PDZRN4: variants seen among roughly 807,000 people sequenced by gnomAD.
PDZRN4 encodes PDZ domain-containing RING finger protein 4.
A neutral mutation model predicts 99.0 loss-of-function variants in PDZRN4; 70 were observed. That is an observed-to-expected ratio of 0.71 (90% CI 0.58 to 0.86). PDZRN4 has a LOEUF of 0.86. PDZRN4 is among the 40% of genes least tolerant of loss of function. PDZRN4 has a pLI of 0.00. For missense variants in PDZRN4, 1,474 were observed against 1,331.2 expected, an observed-to-expected ratio of 1.11 and a Z score of -1.67; for synonymous variants, 551 against 501.6, an observed-to-expected ratio of 1.10 and a Z score of -1.32.
intron 5 of PDZRN4, among the ~76,000 whole-genome samples, chr12:41,531,694 A>G (rs1349390290): frequency 6.6e-6 from 1 of 152,144 alleles, no homozygotes; most frequent in Non-Finnish European, 1.5e-5. Context: ...TAAAGGGACC[A>G]TGCTGTTTTC....
intron 5 of PDZRN4, among the ~76,000 whole-genome samples, chr12:41,533,700 T>G (rs1268767666): frequency 6.6e-6 from 1 of 152,236 alleles, no homozygotes; most frequent in African/African-American, 2.4e-5. Context: ...ATTTTTTGTA[T>G]AGCTGGATTA....
At chr12:41,430,417 C>T (rs1283648624) in intron 3 of PDZRN4, among the ~76,000 whole-genome samples, 3 of 150,768 alleles carry the variant, frequency 2.0e-5, no homozygotes, top group African/African-American at 7.3e-5. Context: ...TGCAGTGAGC[C>T]GAGATTGTGC....
chr12:41,447,004 A>G (rs2730817), intron 3 of PDZRN4, among the ~76,000 whole-genome samples: 77,308 of 151,804 alleles, frequency 0.51, 20,171 homozygotes, highest in African/African-American at 0.64. Context: ...GGACTAAAGC[A>G]GGATATGGGA....
At chr12:41,506,359 G>A in intron 3 of PDZRN4, 97 bp from the exon 4 acceptor site, 4 of 1,105,250 alleles carry the variant, frequency 3.6e-6, no homozygotes, top group Non-Finnish European at 5.1e-6. Context: ...TTCATATCAG[G>A]GCTGGTTGAA....
intron 3 of PDZRN4, among the ~76,000 whole-genome samples, chr12:41,330,000 T>C (rs980553919): frequency 1.4e-4 from 21 of 152,132 alleles, no homozygotes; most frequent in African/African-American, 4.8e-4. Context: ...CTGAGAATTA[T>C]AGCATACAGA....
chr12:41,359,438 C>A (rs989075021), intron 3 of PDZRN4, among the ~76,000 whole-genome samples: 1 of 151,944 alleles, frequency 6.6e-6, no homozygotes, highest in African/African-American at 2.4e-5. Context: ...CTTTATTTGG[C>A]AAGCTAGGAC....
chr12:41,494,172 T>G (rs1049723109), intron 3 of PDZRN4, among the ~76,000 whole-genome samples: 3 of 152,118 alleles, frequency 2.0e-5, no homozygotes, highest in African/African-American at 7.2e-5. Flanking sequence ...TATGAACTAC[T>G]TACTGTATTT....
At chr12:41,416,887 T>TC (rs937015595) in intron 3 of PDZRN4, among the ~76,000 whole-genome samples, 33 of 152,334 alleles carry the variant, frequency 2.2e-4, no homozygotes, top group Admixed American at 6.5e-4. Context: ...GTGTAAACTT[T>TC]CCCCAGAACA....
intron 3 of PDZRN4, among the ~76,000 whole-genome samples, chr12:41,358,399 T>G (rs1951942736): frequency 1.3e-5 from 2 of 152,046 alleles, no homozygotes; most frequent in Non-Finnish European, 2.9e-5. Context: ...ATTTTATTAA[T>G]AGCATCATTA....
chr12:41,284,457 A>G (rs1951409325), intron 3 of PDZRN4, among the ~76,000 whole-genome samples: 1 of 152,166 alleles, frequency 6.6e-6, no homozygotes, highest in South Asian at 2.1e-4. Flanking sequence ...ATGCAATGCT[A>G]TTTCCAACAA....
chr12:41,211,736 C>A (rs1182457196), intron 3 of PDZRN4, among the ~76,000 whole-genome samples: 1 of 151,900 alleles, frequency 6.6e-6, no homozygotes, highest in African/African-American at 2.4e-5. Context: ...ATTTGATGAG[C>A]TGTATGAAAA....
At position 41,388,168 on chromosome 12, in the gene PDZRN4, G is replaced by A. The variant is rs139203011; in HGVS notation, c.844-118288G>A. The stretch of plus-strand genomic sequence containing the variant: ...CATTACCATTAGCAAACTAACACAA[G>A]AACAGAAAACCAAATACCACATGTA... On this transcript the variant is annotated intron_variant, in intron 3 of 9. Coordinates refer to ENST00000402685, the MANE Select transcript of PDZRN4 (RefSeq NM_001164595.2). Among the ~76,000 whole-genome samples, 61 of 152,190 alleles carry A rather than the reference G, an allele frequency of 4.0e-4. No individual in the cohort carries two copies. The East Asian group carries it at 0.011, about 28-fold the overall frequency.
chr12:41,539,485 T>G (rs1938810759), intron 5 of PDZRN4, among the ~76,000 whole-genome samples: 1 of 152,066 alleles, frequency 6.6e-6, no homozygotes, highest in African/African-American at 2.4e-5. Context: ...ATTATTACAT[T>G]CATAGGATCT....
At chr12:41,297,759 C>G (rs1951505607) in intron 3 of PDZRN4, among the ~76,000 whole-genome samples, 1 of 152,104 alleles carries the variant, frequency 6.6e-6, no homozygotes, top group Non-Finnish European at 1.5e-5. Flanking sequence ...GCCCTAAGCC[C>G]TTGTCCATGT....
At chr12:41,320,928 T>C (rs531976237) in intron 3 of PDZRN4, among the ~76,000 whole-genome samples, 1 of 152,304 alleles carries the variant, frequency 6.6e-6, no homozygotes, top group East Asian at 1.9e-4. Flanking sequence ...TATTTTGTTC[T>C]TTTTGTTTGC....
intron 3 of PDZRN4, among the ~76,000 whole-genome samples, chr12:41,493,688 C>T (rs1028392050): frequency 6.6e-6 from 1 of 152,108 alleles, no homozygotes; most frequent in Non-Finnish European, 1.5e-5. Context: ...GTTTGAATCA[C>T]TCATAGTGAT....
At chr12:41,234,902 C>T (rs1951055452) in intron 3 of PDZRN4, among the ~76,000 whole-genome samples, 2 of 151,910 alleles carry the variant, frequency 1.3e-5, no homozygotes, top group African/African-American at 2.4e-5. Flanking sequence ...TGAAGTGGAC[C>T]GGCTGAGAGA....
chr12:41,385,095 A>G (rs1902909), intron 3 of PDZRN4, among the ~76,000 whole-genome samples: 80,523 of 152,096 alleles, frequency 0.53, 22,195 homozygotes, highest in African/African-American at 0.71. Flanking sequence ...AAAATGGAAA[A>G]TATTTCTAGT....
intron 3 of PDZRN4, among the ~76,000 whole-genome samples, chr12:41,312,757 C>T (rs961591359): frequency 3.3e-5 from 5 of 152,090 alleles, no homozygotes; most frequent in African/African-American, 1.2e-4. Flanking sequence ...GCAGGTCCTT[C>T]TCATGGCACA....
Sources: gnomAD v4.1 joint callset for allele counts (sites outside exome capture counted in the v4.1 genomes callset) on GRCh38, gnomAD v4.1.1 for gene constraint, MANE v1.5 for transcripts, NCBI Gene and HGNC (gene_info 2026-07-23, HGNC 2026-07-21) for gene names.